Variants in DOCK3 observed in about 807,000 individuals in gnomAD.
DOCK3 encodes dedicator of cytokinesis protein 3.
In DOCK3, 60 loss-of-function variants were observed where a neutral mutation model predicts 265.6. That is an observed-to-expected ratio of 0.23 (90% confidence interval 0.18 to 0.28). DOCK3 has a LOEUF of 0.28. Ranked by LOEUF, DOCK3 falls within the 10% of genes least tolerant of loss-of-function variation. The pLI, the probability that DOCK3 is intolerant of heterozygous loss-of-function variation, is 1.00. For missense variants in DOCK3, 1,981 were observed against 2,594.3 expected (o/e 0.76, Z 5.14); for synonymous variants, 881 against 938.0 (o/e 0.94, Z 1.11).
chr3:51,238,634 GGT>G (rs1361086931), intron 21 of DOCK3, among the ~76,000 whole-genome samples: 1 of 151,854 alleles, frequency 6.6e-6, no homozygotes, highest in African/African-American at 2.4e-5. Flanking sequence ...GATAGGCCTC[GGT>G]GTGTTTTGTT....
At chr3:51,070,394 A>C (rs2081810495) in intron 6 of DOCK3, among the ~76,000 whole-genome samples, 1 of 152,154 alleles carries the variant, frequency 6.6e-6, no homozygotes, top group Non-Finnish European at 1.5e-5. Flanking sequence ...AATGAGAACA[A>C]CCTAGCTTGA....
At chr3:51,363,731 G>C (rs1044672875) in intron 49 of DOCK3, among the ~76,000 whole-genome samples, 7 of 152,204 alleles carry the variant, frequency 4.6e-5, no homozygotes, top group Admixed American at 2.6e-4. Context: ...GTGAGAACAT[G>C]CAGTGTTTGG....
intron 5 of DOCK3, among the ~76,000 whole-genome samples, chr3:51,007,184 T>C (rs192169009): frequency 0.013 from 1,950 of 152,298 alleles, 37 homozygotes; most frequent in Non-Finnish European, 0.015. Flanking sequence ...TTCTAGATCC[T>C]TGAGGAATCA....
intron 38 of DOCK3, among the ~76,000 whole-genome samples, chr3:51,341,787 A>C (rs1165328681): frequency 6.6e-6 from 1 of 152,264 alleles, no homozygotes. Flanking sequence ...AACCACAGCC[A>C]AAGGCGGCCT....
At chr3:51,277,811 C>A (rs2080896457) in intron 26 of DOCK3, 57 bp downstream of exon 26, 18 of 1,565,044 alleles carry the variant, frequency 1.2e-5, no homozygotes, top group Non-Finnish European at 1.4e-5. Context: ...GGCTTCTCCA[C>A]AACACTCCCC....
At chr3:51,108,784 CAA>C (rs2083394554) in intron 9 of DOCK3, among the ~76,000 whole-genome samples, 1 of 152,204 alleles carries the variant, frequency 6.6e-6, no homozygotes, top group African/African-American at 2.4e-5. Context: ...ATCAAAAAGA[CAA>C]AAGAGCATTA....
At chr3:51,113,763 T>G (rs1161318055) in intron 9 of DOCK3, among the ~76,000 whole-genome samples, 1 of 152,214 alleles carries the variant, frequency 6.6e-6, no homozygotes, top group Non-Finnish European at 1.5e-5. Flanking sequence ...GTCATTATAG[T>G]TCTTTCAAAC....
chr3:51,175,028 G>A (rs2086868875), intron 12 of DOCK3, among the ~76,000 whole-genome samples: 2 of 152,330 alleles, frequency 1.3e-5, no homozygotes, highest in South Asian at 4.1e-4. Flanking sequence ...GACTGTTGTG[G>A]CTCCCACTGA....
intron 41 of DOCK3, among the ~76,000 whole-genome samples, 172 bp downstream of exon 41, chr3:51,355,195 T>C (rs1168113102): frequency 1.3e-5 from 2 of 152,110 alleles, no homozygotes; most frequent in East Asian, 3.9e-4. Context: ...CACTAATACC[T>C]CAAAGAGGAA....
At chr3:50,970,540 A>C (rs2077167181) in intron 5 of DOCK3, among the ~76,000 whole-genome samples, 1 of 151,826 alleles carries the variant, frequency 6.6e-6, no homozygotes, top group African/African-American at 2.4e-5. Context: ...ACCTGTCTTC[A>C]AGCTCTGAGA....
intron 19 of DOCK3, among the ~76,000 whole-genome samples, chr3:51,234,681 C>T (rs1187828946): frequency 6.6e-6 from 1 of 152,202 alleles, no homozygotes; most frequent in Non-Finnish European, 1.5e-5. Context: ...TAGTCTCTCA[C>T]TTGGAGTCCA....
intron 2 of DOCK3, among the ~76,000 whole-genome samples, chr3:50,821,052 G>T (rs1334638506): frequency 6.7e-6 from 1 of 150,278 alleles, no homozygotes; most frequent in South Asian, 2.1e-4. Flanking sequence ...TTAGTCCTTT[G>T]TCAGATGCAT....
intron 5 of DOCK3, among the ~76,000 whole-genome samples, chr3:50,938,162 A>G (rs2051496298): frequency 6.6e-6 from 1 of 152,118 alleles, no homozygotes; most frequent in South Asian, 2.1e-4. Context: ...AAAATTCAAT[A>G]TCAGAGCAAA....
At chr3:50,946,884 G>T (rs1314783829) in intron 5 of DOCK3, among the ~76,000 whole-genome samples, 1 of 152,100 alleles carries the variant, frequency 6.6e-6, no homozygotes, top group African/African-American at 2.4e-5. Context: ...TTTATTCCAG[G>T]GATGTCAGGA....
At chr3:50,960,601 A>C (rs968976928) in intron 5 of DOCK3, among the ~76,000 whole-genome samples, 14 of 152,142 alleles carry the variant, frequency 9.2e-5, no homozygotes, top group Non-Finnish European at 1.9e-4. Context: ...TCCCTTTATC[A>C]GAAGTATGAT....
In DOCK3 at chr3:51,142,996, C is replaced by T. The variant is rs555087301; in HGVS notation, c.747-3553C>T. Among the ~76,000 whole-genome samples the T allele has an allele frequency of 1.4e-4, 21 of 151,844 alleles. No homozygotes were observed. The South Asian group carries it at 2.7e-3, about 20-fold the overall frequency. On this transcript the variant is annotated intron_variant, in intron 9 of 52. Transcript: ENST00000266037. ...CTGCCTCCCGGGTTCAAGTGATTCTCCTGCCTCAGCCTCCCGAGCAGCTAG... is the reference window on the plus strand; with the variant it reads ...CTGCCTCCCGGGTTCAAGTGATTCTTCTGCCTCAGCCTCCCGAGCAGCTAG...
At chr3:50,764,789 T>A (rs1470183548) in intron 1 of DOCK3, among the ~76,000 whole-genome samples, 1 of 152,124 alleles carries the variant, frequency 6.6e-6, no homozygotes, top group African/African-American at 2.4e-5. Flanking sequence ...CTCTTAAAAA[T>A]TTTTTAAATG....
intron 32 of DOCK3, among the ~76,000 whole-genome samples, chr3:51,325,730 C>T (rs1314664380): frequency 6.6e-6 from 1 of 152,206 alleles, no homozygotes; most frequent in Admixed American, 6.5e-5. Flanking sequence ...TACTATGCAG[C>T]CATAAAAAAA....
intron 1 of DOCK3, among the ~76,000 whole-genome samples, chr3:50,764,617 G>GA (rs1356544050): frequency 6.6e-5 from 10 of 152,090 alleles, no homozygotes; most frequent in Non-Finnish European, 1.2e-4. Flanking sequence ...AACATAGTGT[G>GA]AAAAAATTGA....
Sources: gnomAD v4.1 joint callset for allele counts (sites outside exome capture counted in the v4.1 genomes callset) on GRCh38, gnomAD v4.1.1 for gene constraint, MANE v1.5 for transcripts, NCBI Gene and HGNC (gene_info 2026-07-23, HGNC 2026-07-21) for gene names.